MAP1B: variants seen among roughly 807,000 people sequenced by gnomAD.
MAP1B encodes microtubule-associated protein 1B.
Under a neutral mutation model 176.1 loss-of-function variants are expected in MAP1B, and 12 were observed. The ratio of observed to expected loss-of-function variants is 0.07; its 90% CI spans 0.04 to 0.11. The LOEUF (loss-of-function observed/expected upper bound fraction) is 0.11. Among genes scored for constraint, MAP1B ranks in the 10% least tolerant of loss-of-function variants. MAP1B has a pLI of 1.00. For missense variants in MAP1B, 2,523 were observed against 2,990.5 expected, an observed-to-expected ratio of 0.84 and a Z score of 3.65; for synonymous variants, 1,044 against 1,135.0, an observed-to-expected ratio of 0.92 and a Z score of 1.61.
chr5:72,205,700 AAAAG>A lies in MAP1B; in HGVS notation c.*463_*466del, dbSNP rs530427942. 3.1e-3 allele frequency: 477 copies of A among 154,126 alleles called. 3 individuals carry two copies. Among genetic ancestry groups the A allele is most frequent in the Non-Finnish European group, 5.6e-3 (387 of 69,172 alleles). The allele number at this position is 154,126 out of a possible 1,614,324, so 9.5% of individuals were successfully genotyped here. ...AGTTCTGGTGAGATACCCAGAGAGAAAAAGAGAGAGCAGGGTGGGGTAAGGAGGA... is the reference window on the plus strand; with the variant it reads ...AGTTCTGGTGAGATACCCAGAGAGAAAGAGAGCAGGGTGGGGTAAGGAGGA... On this transcript the variant is annotated 3_prime_UTR_variant, in exon 7 of 7. Transcript: ENST00000296755.
At position 72,205,194 on chromosome 5, in the gene MAP1B, G is replaced by A. The variant is rs768272397; in HGVS notation, c.7362G>A (p.Val2454=). The A allele has an allele frequency of 1.2e-6, 2 of 1,613,986 alleles. No individual in the cohort carries two copies. The highest frequency in any genetic ancestry group is 1.7e-6 in the Non-Finnish European group (2 of 1,179,982). ...NIMVLASSST[V]VMQDESFPAC... ...TGGTTTTAGCAAGCAGCAGCACAGTGGTTATGCAAGATGAATCCTTCCCTG... is the reference window on the plus strand; with the variant it reads ...TGGTTTTAGCAAGCAGCAGCACAGTAGTTATGCAAGATGAATCCTTCCCTG... The change falls in exon 7 of 7, where the codon GTG becomes GTA. Residue 2454 remains valine (V), a synonymous_variant. Transcript: ENST00000296755.
Position 72,198,964 on chromosome 5 carries a change from A to G in MAP1B, c.5609A>G (p.Tyr1870Cys). ...SGGKTPGDFS[Y>C]AYQKPEETTR... The stretch of plus-strand genomic sequence containing the variant: ...GGGAAGACACCTGGTGACTTTAGCT[A>G]TGCCTATCAAAAGCCTGAGGAAACA... Residue 1870 changes from tyrosine to cysteine, a missense_variant, in exon 5 of 7, where the codon TAT becomes TGT. This residue lies in a region of MAP1B where 1,925 missense variants were observed against 2,126.0 expected (regional missense o/e 0.91). Transcript: ENST00000296755. The G allele has an allele frequency of 6.2e-7, 1 of 1,614,194 alleles. No individual in the cohort carries two copies. The highest frequency in any genetic ancestry group is 8.5e-7 in the Non-Finnish European group (1 of 1,180,032).
intron 2 of MAP1B, chr5:72,116,139 G>A: frequency 3.1e-6 from 1 of 322,522 alleles, no homozygotes; most frequent in Non-Finnish European, 6.0e-6. Context: ...ATAGTATAGT[G>A]TGTGTATGTG....
intron 2 of MAP1B, among the ~76,000 whole-genome samples, chr5:72,164,136 G>T (rs1378882367): frequency 6.6e-6 from 1 of 151,656 alleles, no homozygotes; most frequent in Middle Eastern, 3.2e-3. Flanking sequence ...TTGTTATGTT[G>T]CCCAGGCTGG....
chr5:72,108,044 G>T lies in MAP1B; in HGVS notation c.184+329G>T, dbSNP rs565320389. On this transcript the variant is annotated intron_variant, in intron 1 of 6. Coordinates refer to ENST00000296755, the MANE Select transcript of MAP1B (RefSeq NM_005909.5). ...GGCCACAATAAAGCCGCAACCGCAG[G>T]AGGCAGAAGGGTGGGGGAGACCTGA... Among the ~76,000 whole-genome samples, 73 of 152,318 alleles carry T rather than the reference G, an allele frequency of 4.8e-4. 1 individual carries two copies. Among genetic ancestry groups the T allele is most frequent in the African/African-American group, 1.7e-3 (69 of 41,590 alleles).
At position 72,182,023 on chromosome 5, in the gene MAP1B, C is replaced by CTT. The variant is rs34251206; in HGVS notation, c.287-1700_287-1699dup. The stretch of plus-strand genomic sequence containing the variant: ...ACAGGCATGAGCCACCGCACCTGGC[C>CTT]TTTTTTTTTTTTTTTTTTTTTGGAG... On this transcript the variant is annotated intron_variant, in intron 2 of 6. Coordinates refer to ENST00000296755, the MANE Select transcript of MAP1B (RefSeq NM_005909.5). Among the ~76,000 whole-genome samples, 928 of 94,670 alleles carry CTT rather than the reference C, an allele frequency of 9.8e-3. 36 individuals are homozygous for CTT. Among genetic ancestry groups the CTT allele is most frequent in the East Asian group, 0.032 (117 of 3,616 alleles). 62.1% of individuals were successfully genotyped at this position (94,670 alleles called of 152,430 possible).
chr5:72,190,144 A>T (rs1746996053), intron 4 of MAP1B, among the ~76,000 whole-genome samples: 1 of 152,216 alleles, frequency 6.6e-6, no homozygotes, highest in Admixed American at 6.5e-5. Context: ...TATAGTTTTC[A>T]ATACCATCTT....
rs137909945 is a variant in MAP1B at position 72,199,644 on chromosome 5, C to A, written c.6289C>A (p.Leu2097Ile). Residue 2097 changes from leucine to isoleucine, a missense_variant, in exon 5 of 7, where the codon CTT becomes ATT. Coordinates refer to ENST00000296755, the MANE Select transcript of MAP1B (RefSeq NM_005909.5). This position sits in a 1 kb window ranked among gnomAD's most constrained non-coding sequence, Gnocchi z 4.2. ...SCEYKHPKTE[L>I]SPSFINPNPL... ...TGAATACAAGCACCCCAAGACAGAG[C>A]TTTCACCCTCTTTCATTAATCCCAA... 4.2e-5 allele frequency: 68 copies of A among 1,614,054 alleles called. No homozygotes were observed. The highest frequency in any genetic ancestry group is 5.2e-5 in the Non-Finnish European group (61 of 1,180,052).
intron 4 of MAP1B, among the ~76,000 whole-genome samples, chr5:72,187,880 C>G (rs1205660186): frequency 7.9e-5 from 12 of 152,182 alleles, no homozygotes; most frequent in Admixed American, 7.8e-4. Flanking sequence ...TGAAAAGGAA[C>G]ATTTTTGAAG....
chr5:72,150,018 T>C (rs950861066), intron 2 of MAP1B, among the ~76,000 whole-genome samples: 4 of 152,352 alleles, frequency 2.6e-5, no homozygotes, highest in African/African-American at 9.6e-5. Flanking sequence ...GGGATCTCAT[T>C]TTCCAGAATA....
intron 2 of MAP1B, among the ~76,000 whole-genome samples, chr5:72,154,931 A>G (rs181642865): frequency 6.6e-6 from 1 of 152,286 alleles, no homozygotes; most frequent in East Asian, 1.9e-4. Context: ...TGCACTGCAA[A>G]TTATTGAATG....
chr5:72,198,816 C>A lies in MAP1B; in HGVS notation c.5461C>A (p.Pro1821Thr), dbSNP rs770625008. ...AACTTGCCACAGTTCCTCTTCTCCA[C>A]CAATAGATGCAGCATCCGCAGAGCC... ...TATCHSSSSP[P>T]IDAASAEPYG... Residue 1821 changes from proline (P) to threonine (T), a missense_variant, in exon 5 of 7, where the codon CCA becomes ACA. Transcript: ENST00000296755. The A allele has an allele frequency of 4.3e-6, 7 of 1,614,222 alleles. No homozygotes were observed. In the South Asian group the frequency reaches 6.6e-5, roughly 15 times the overall value.
intron 1 of MAP1B, among the ~76,000 whole-genome samples, 199 bp downstream of exon 1, chr5:72,107,914 T>C (rs1015784017): frequency 6.6e-5 from 10 of 151,662 alleles, no homozygotes; most frequent in African/African-American, 2.4e-4. Flanking sequence ...AGAGGGAGAG[T>C]CTCCAATAAC....
At chr5:72,113,153 C>A (rs1745374571) in intron 1 of MAP1B, among the ~76,000 whole-genome samples, 1 of 152,184 alleles carries the variant, frequency 6.6e-6, no homozygotes, top group Non-Finnish European at 1.5e-5. Flanking sequence ...GCAGGAGATA[C>A]AAAGTAATTA....
intron 2 of MAP1B, chr5:72,116,040 A>C: frequency 2.4e-6 from 1 of 409,758 alleles, no homozygotes; most frequent in South Asian, 2.4e-5. Context: ...GTGTATGTGT[A>C]TATATATACA....
Position 72,183,784 on chromosome 5 carries a change from G to T in MAP1B, c.328G>T (p.Val110Leu). Residue 110 changes from valine to leucine, a missense_variant, in exon 3 of 7, where the codon GTG becomes TTG. This residue lies in a region of MAP1B where 307 missense variants were observed against 438.4 expected (regional missense o/e 0.70). Coordinates refer to ENST00000296755, the MANE Select transcript of MAP1B (RefSeq NM_005909.5). ...LHHRSDVLET[V>L]VLINPSDEAV... Reference sequence around the variant, plus strand: ...TCACCGAAGTGACGTTTTAGAAACAGTGGTCCTGATCAACCCTTCTGATGA... The same window carrying T: ...TCACCGAAGTGACGTTTTAGAAACATTGGTCCTGATCAACCCTTCTGATGA... The T allele has an allele frequency of 6.2e-7, 1 of 1,614,196 alleles. No homozygotes were observed. Among genetic ancestry groups the T allele is most frequent in the Non-Finnish European group, 8.5e-7 (1 of 1,180,012 alleles).
intron 2 of MAP1B, among the ~76,000 whole-genome samples, chr5:72,159,000 C>T (rs948624598): frequency 6.6e-6 from 1 of 152,142 alleles, no homozygotes; most frequent in Non-Finnish European, 1.5e-5. Context: ...ATCCTCACAA[C>T]AGCCATATGG....
In MAP1B at chr5:72,198,840, C is replaced by T. The variant is rs764407202; in HGVS notation, c.5485C>T (p.Pro1829Ser). 3.1e-6 allele frequency: 5 copies of T among 1,614,216 alleles called. No homozygotes were observed. The highest frequency in any genetic ancestry group is 3.3e-5 in the Admixed American group (2 of 60,024). Residue 1829 changes from proline (P) to serine (S), a missense_variant, in exon 5 of 7, where the codon CCC becomes TCC. Transcript: ENST00000296755. ...SPPIDAASAE[P>S]YGFRASVLFD... Reference sequence around the variant, plus strand: ...ACCAATAGATGCAGCATCCGCAGAGCCCTATGGCTTCCGTGCCTCAGTGTT... The same window carrying T: ...ACCAATAGATGCAGCATCCGCAGAGTCCTATGGCTTCCGTGCCTCAGTGTT...
intron 5 of MAP1B, among the ~76,000 whole-genome samples, chr5:72,201,183 C>G (rs1040105068): frequency 6.6e-6 from 1 of 150,534 alleles, no homozygotes; most frequent in Non-Finnish European, 1.5e-5. Flanking sequence ...TGCAACATAG[C>G]AAGACCCTGT....
Sources: gnomAD v4.1 joint callset for allele counts (sites outside exome capture counted in the v4.1 genomes callset) on GRCh38, gnomAD v4.1.1 for gene constraint, gnomAD v4.1.1 regional missense constraint, Gnocchi (gnomAD v3.1) non-coding constraint, MANE v1.5 for transcripts, NCBI Gene and HGNC (gene_info 2026-07-23, HGNC 2026-07-21) for gene names.